PLXNC1: variants seen among roughly 807,000 people sequenced by gnomAD.
PLXNC1 encodes plexin-C1.
In PLXNC1, 75 loss-of-function variants were observed where a neutral mutation model predicts 178.2. The observed-to-expected ratio is 0.42, with a 90% confidence interval of 0.35 to 0.51. The LOEUF is 0.51. PLXNC1 is among the 20% of genes least tolerant of loss of function. The pLI, the probability that PLXNC1 is intolerant of heterozygous loss-of-function variation, is 0.02. For synonymous variants in PLXNC1, 790 were observed against 779.9 expected (o/e 1.01, Z -0.22); for missense variants, 1,503 against 1,984.4 (o/e 0.76, Z 4.61).
intron 7 of PLXNC1, among the ~76,000 whole-genome samples, chr12:94,224,985 TA>T (rs1467564236): frequency 1.3e-5 from 2 of 152,164 alleles, no homozygotes; most frequent in Non-Finnish European, 2.9e-5. Flanking sequence ...GCCTTGAGTG[TA>T]GGGGTAAAAA....
At chr12:94,168,147 A>G (rs1369108829) in intron 1 of PLXNC1, 1 of 152,216 alleles carries the variant, frequency 6.6e-6, no homozygotes, top group Non-Finnish European at 1.5e-5. Flanking sequence ...TGCTTACTGA[A>G]GTTTGCTGGC....
chr12:94,283,448 T>C (rs1227473532), intron 23 of PLXNC1, among the ~76,000 whole-genome samples: 2 of 152,222 alleles, frequency 1.3e-5, no homozygotes, highest in Non-Finnish European at 1.5e-5. Context: ...ATTTCCAGCA[T>C]GTCCCTGTAA....
At chr12:94,286,616 CAAAAA>C (rs61238982) in intron 23 of PLXNC1, among the ~76,000 whole-genome samples, 156 of 101,402 alleles carry the variant, frequency 1.5e-3, no homozygotes, top group Middle Eastern at 6.1e-3. Context: ...TGCTTAAAAG[CAAAAA>C]AAAAAAAAAA....
At chr12:94,224,540 T>G (rs1963886985) in intron 7 of PLXNC1, among the ~76,000 whole-genome samples, 1 of 152,112 alleles carries the variant, frequency 6.6e-6, no homozygotes, top group African/African-American at 2.4e-5. Flanking sequence ...AAATCCCCTG[T>G]GCTTAAGTGT....
chr12:94,231,518 C>T (rs977258467), intron 9 of PLXNC1, among the ~76,000 whole-genome samples: 3 of 152,084 alleles, frequency 2.0e-5, no homozygotes, highest in Non-Finnish European at 4.4e-5. Context: ...TTTGCTAATC[C>T]AAGGATCTGG....
chr12:94,216,233 G>A (rs961696554), intron 5 of PLXNC1, among the ~76,000 whole-genome samples: 28 of 149,726 alleles, frequency 1.9e-4, no homozygotes, highest in Middle Eastern at 3.2e-3. Flanking sequence ...GTGCCATTGC[G>A]CTCTAGCCTG....
intron 4 of PLXNC1, among the ~76,000 whole-genome samples, chr12:94,188,926 G>A (rs747413930): frequency 2.6e-5 from 4 of 152,208 alleles, no homozygotes; most frequent in Admixed American, 6.5e-5. Flanking sequence ...AGTGGCCTAC[G>A]GCCATTGAGA....
At position 94,255,219 on chromosome 12, in the gene PLXNC1, T is replaced by C. The variant is rs1565833296; in HGVS notation, c.3010T>C (p.Leu1004=). The change falls in exon 17 of 31, where the codon TTG becomes CTG. Residue 1004 remains leucine (L), a synonymous_variant. Coordinates refer to ENST00000258526, the MANE Select transcript of PLXNC1 (RefSeq NM_005761.3). ...CTTTGCTGAGCTGCAGATGGATAAATTGGATGTGGTTGATAGTTTTGGAAC... is the reference window on the plus strand; with the variant it reads ...CTTTGCTGAGCTGCAGATGGATAAACTGGATGTGGTTGATAGTTTTGGAAC... ...DGFAELQMDK[L]DVVDSFGTVP... 4.3e-6 allele frequency: 7 copies of C among 1,614,044 alleles called. No individual in the cohort carries two copies. The highest frequency in any genetic ancestry group is 5.9e-6 in the Non-Finnish European group (7 of 1,179,860).
chr12:94,172,733 T>C (rs1961893228), intron 2 of PLXNC1, among the ~76,000 whole-genome samples: 1 of 152,230 alleles, frequency 6.6e-6, no homozygotes, highest in East Asian at 1.9e-4. Flanking sequence ...TATTCTATTA[T>C]TTGGGTACAT....
At chr12:94,173,892 G>A (rs1436386787) in intron 2 of PLXNC1, among the ~76,000 whole-genome samples, 1 of 152,166 alleles carries the variant, frequency 6.6e-6, no homozygotes, top group African/African-American at 2.4e-5. Flanking sequence ...TGAGCTGCGC[G>A]TAGTCCACGG....
chr12:94,304,187 G>A (rs1423246106), intron 30 of PLXNC1, 136 bp downstream of exon 30: 8 of 617,476 alleles, frequency 1.3e-5, no homozygotes, highest in Admixed American at 3.0e-5. Flanking sequence ...TCTGAGATGG[G>A]GGATCCTGGC....
intron 1 of PLXNC1, among the ~76,000 whole-genome samples, chr12:94,156,484 T>TTC (rs1227956939): frequency 6.6e-6 from 1 of 150,942 alleles, no homozygotes; most frequent in Non-Finnish European, 1.5e-5. Context: ...TATCTTTTTT[T>TTC]TTTTTTTTCT....
intron 5 of PLXNC1, among the ~76,000 whole-genome samples, chr12:94,212,954 C>A (rs1308233233): frequency 1.3e-5 from 2 of 152,108 alleles, no homozygotes; most frequent in Non-Finnish European, 2.9e-5. Flanking sequence ...CTCCTGACCT[C>A]GTGATCTGCC....
chr12:94,228,719 G>A (rs151102213), intron 9 of PLXNC1, among the ~76,000 whole-genome samples: 1 of 152,064 alleles, frequency 6.6e-6, no homozygotes, highest in Admixed American at 6.6e-5. Flanking sequence ...CTGTGTGGTC[G>A]CATGGGTCAG....
At chr12:94,185,438 C>T (rs1962473892) in intron 3 of PLXNC1, among the ~76,000 whole-genome samples, 1 of 152,170 alleles carries the variant, frequency 6.6e-6, no homozygotes, top group African/African-American at 2.4e-5. Flanking sequence ...TTACTACCTG[C>T]TGTGTGGTTT....
chr12:94,188,578 C>A (rs540509255), intron 4 of PLXNC1, among the ~76,000 whole-genome samples: 1 of 152,204 alleles, frequency 6.6e-6, no homozygotes, highest in Non-Finnish European at 1.5e-5. Flanking sequence ...CCTGCCTCAG[C>A]CTCCCAAATT....
intron 26 of PLXNC1, 122 bp downstream of exon 26, chr12:94,297,545 G>C: frequency 1.5e-6 from 1 of 680,668 alleles, no homozygotes; most frequent in Non-Finnish European, 2.6e-6. Flanking sequence ...AAAGCAAAAT[G>C]AAAGTTTAAA....
At position 94,149,517 on chromosome 12, in the gene PLXNC1, C is replaced by T; in HGVS notation, c.546C>T (p.Thr182=). 6.5e-7 allele frequency: 1 copy of T among 1,537,654 alleles called. No homozygotes were observed. The highest frequency in any genetic ancestry group is 8.7e-7 in the Non-Finnish European group (1 of 1,147,438). The stretch of plus-strand genomic sequence containing the variant: ...GCTGGTACCTGGCGGTGGCCGCCAC[C>T]TACGTGCTGCCTGAGCCGGAGACGG... ...NNRWYLAVAA[T]YVLPEPETAS... The change falls in exon 1 of 31, where the codon ACC becomes ACT. Residue 182 remains threonine (T), a synonymous_variant. Transcript: ENST00000258526.
At chr12:94,232,385 G>A (rs111724286) in intron 9 of PLXNC1, among the ~76,000 whole-genome samples, 2 of 152,062 alleles carry the variant, frequency 1.3e-5, no homozygotes, top group Admixed American at 6.5e-5. Flanking sequence ...CACCGCACCC[G>A]GCCCCTCCAT....
Sources: gnomAD v4.1 joint callset for allele counts (sites outside exome capture counted in the v4.1 genomes callset) on GRCh38, gnomAD v4.1.1 for gene constraint, MANE v1.5 for transcripts, NCBI Gene and HGNC (gene_info 2026-07-23, HGNC 2026-07-21) for gene names.